The following UBE2R2 variants were observed in gnomAD, a reference collection of about 807,000 sequenced individuals.
UBE2R2 encodes ubiquitin conjugating enzyme E2 R2.
A neutral mutation model predicts 27.8 loss-of-function variants in UBE2R2; 1 was observed. The ratio of observed to expected loss-of-function variants is 0.04; its 90% CI spans 0.01 to 0.17. The LOEUF (loss-of-function observed/expected upper bound fraction) is 0.17. Ranked by LOEUF, UBE2R2 falls within the 10% of genes least tolerant of loss-of-function variation. UBE2R2 has a pLI of 1.00. For synonymous variants in UBE2R2, 106 were observed against 113.3 expected (o/e 0.94, Z 0.41); for missense variants, 100 against 291.0 (o/e 0.34, Z 4.78).
intron 1 of UBE2R2, among the ~76,000 whole-genome samples, chr9:33,840,492 C>CA (rs1188122122): frequency 1.3e-5 from 2 of 152,154 alleles, no homozygotes; most frequent in Non-Finnish European, 2.9e-5. Flanking sequence ...ATTGTACACT[C>CA]ATGTTGCATC....
At chr9:33,867,802 C>CATGGAGTA (rs1821396926) in intron 1 of UBE2R2, among the ~76,000 whole-genome samples, 3 of 152,284 alleles carry the variant, frequency 2.0e-5, no homozygotes, top group Admixed American at 2.0e-4. Context: ...GCCTGTACTC[C>CATGGAGTA]CAGCTACTTG....
At chr9:33,865,876 G>C (rs1016366160) in intron 1 of UBE2R2, among the ~76,000 whole-genome samples, 1 of 149,590 alleles carries the variant, frequency 6.7e-6, no homozygotes, top group African/African-American at 2.5e-5. Context: ...TTGTTGCCCA[G>C]GCTAGAGTGC....
At chr9:33,913,267 C>T (rs1374582283) in intron 4 of UBE2R2, among the ~76,000 whole-genome samples, 1 of 152,090 alleles carries the variant, frequency 6.6e-6, no homozygotes, top group African/African-American at 2.4e-5. Context: ...CCTCCTCCAC[C>T]TCTTTTTAAA....
chr9:33,822,438 T>C (rs951133660), intron 1 of UBE2R2, among the ~76,000 whole-genome samples: 36 of 151,150 alleles, frequency 2.4e-4, no homozygotes, highest in African/African-American at 8.3e-4. Flanking sequence ...TTTTTTTTTT[T>C]TTTTAAGAGA....
At chr9:33,822,096 A>ATTTT (rs57690053) in intron 1 of UBE2R2, among the ~76,000 whole-genome samples, 1 of 145,060 alleles carries the variant, frequency 6.9e-6, no homozygotes, top group Admixed American at 6.9e-5. Flanking sequence ...ATATATATAT[A>ATTTT]TTTTTTTTTT....
At chr9:33,818,687 C>T (rs988031890) in intron 1 of UBE2R2, 2 of 152,104 alleles carry the variant, frequency 1.3e-5, no homozygotes, top group African/African-American at 4.8e-5. Context: ...GTTTGCCAAC[C>T]TTTTTTTCTA....
intron 3 of UBE2R2, among the ~76,000 whole-genome samples, chr9:33,905,079 C>T (rs985984683): frequency 1.2e-4 from 18 of 152,154 alleles, no homozygotes; most frequent in African/African-American, 4.3e-4. Context: ...TTCTGTGAGA[C>T]ACCATCCCCA....
intron 4 of UBE2R2, 50 bp downstream of exon 4, chr9:33,912,148 T>A: frequency 2.7e-6 from 4 of 1,490,318 alleles, no homozygotes. Context: ...CAAAATATAT[T>A]CTGGAACCAA....
chr9:33,885,039 G>C (rs1426561989), intron 1 of UBE2R2, among the ~76,000 whole-genome samples: 1 of 152,162 alleles, frequency 6.6e-6, no homozygotes, highest in African/African-American at 2.4e-5. Context: ...AGATTTCCTT[G>C]GTTTTCTAGA....
At chr9:33,872,400 A>G (rs1821505367) in intron 1 of UBE2R2, among the ~76,000 whole-genome samples, 1 of 152,176 alleles carries the variant, frequency 6.6e-6, no homozygotes, top group South Asian at 2.1e-4. Flanking sequence ...CAAAAGAAGA[A>G]AAAGACCCTC....
chr9:33,870,555 G>A (rs1431063138), intron 1 of UBE2R2, among the ~76,000 whole-genome samples: 1 of 152,136 alleles, frequency 6.6e-6, no homozygotes. Flanking sequence ...GTATGAGAAC[G>A]AGTGAGTAGA....
At chr9:33,855,559 G>T (rs1821082921) in intron 1 of UBE2R2, among the ~76,000 whole-genome samples, 1 of 152,194 alleles carries the variant, frequency 6.6e-6, no homozygotes, top group Non-Finnish European at 1.5e-5. Flanking sequence ...GTCTGCTTCT[G>T]AGAGGAGGGT....
rs536003784 is a variant in UBE2R2 at position 33,902,888 on chromosome 9, T to C, written c.362+2617T>C. Among the ~76,000 whole-genome samples the C allele has an allele frequency of 5.9e-5, 9 of 152,200 alleles. No homozygotes were observed. The South Asian group carries it at 1.9e-3, about 32-fold the overall frequency. ...GCCAAGGTGGGCAGATCACCTGAGGTCGGGAGTTCAAGACTAGCCTGACCA... is the reference window on the plus strand; with the variant it reads ...GCCAAGGTGGGCAGATCACCTGAGGCCGGGAGTTCAAGACTAGCCTGACCA... On this transcript the variant is annotated intron_variant, in intron 3 of 4. Coordinates refer to ENST00000263228, the MANE Select transcript of UBE2R2 (RefSeq NM_017811.4).
At position 33,891,436 on chromosome 9, in the gene UBE2R2, A is replaced by C. The variant is rs570680388; in HGVS notation, c.264+4469A>C. On this transcript the variant is annotated intron_variant, in intron 2 of 4. Coordinates refer to ENST00000263228, the MANE Select transcript of UBE2R2 (RefSeq NM_017811.4). ...CGAGGTAGGCGGACCACTTGAGGCC[A>C]GGAGTTCAGGACTAGCCTGGCCAAC... 3.9e-3 allele frequency among the ~76,000 whole-genome samples: 592 copies of C among 151,960 alleles called. 3 individuals carry two copies. The highest frequency in any genetic ancestry group is 0.013 in the African/African-American group (554 of 41,518).
chr9:33,818,263 T>TCAG (rs1825869811), intron 1 of UBE2R2, among the ~76,000 whole-genome samples: 1 of 151,468 alleles, frequency 6.6e-6, no homozygotes, highest in African/African-American at 2.4e-5. Flanking sequence ...CGGTGGTCTA[T>TCAG]CTGTGCTTTT....
intron 1 of UBE2R2, among the ~76,000 whole-genome samples, chr9:33,847,983 G>A (rs1462799512): frequency 6.6e-6 from 1 of 151,682 alleles, no homozygotes; most frequent in African/African-American, 2.4e-5. Context: ...TCAAACTCCT[G>A]ACCTCAGGTG....
At chr9:33,893,021 G>A (rs1822022857) in intron 2 of UBE2R2, among the ~76,000 whole-genome samples, 1 of 152,160 alleles carries the variant, frequency 6.6e-6, no homozygotes, top group Admixed American at 6.6e-5. Flanking sequence ...GTTTCAGTGA[G>A]CTATAATCAT....
chr9:33,838,975 G>T (rs144485703), intron 1 of UBE2R2, among the ~76,000 whole-genome samples: 1 of 151,680 alleles, frequency 6.6e-6, no homozygotes, highest in East Asian at 2.0e-4. Context: ...CCAGCTACTC[G>T]GGAGGATAAG....
chr9:33,912,892 A>G (rs961658853), intron 4 of UBE2R2, among the ~76,000 whole-genome samples: 5 of 152,134 alleles, frequency 3.3e-5, no homozygotes, highest in African/African-American at 9.7e-5. Flanking sequence ...ATAGTACCCA[A>G]GAAATTTGCA....
Sources: gnomAD v4.1 joint callset for allele counts (sites outside exome capture counted in the v4.1 genomes callset) on GRCh38, gnomAD v4.1.1 for gene constraint, MANE v1.5 for transcripts, NCBI Gene and HGNC (gene_info 2026-07-23, HGNC 2026-07-21) for gene names.